SLC24A2: variants seen among roughly 807,000 people sequenced by gnomAD.
The protein encoded by SLC24A2 is solute carrier family 24 member 2.
A neutral mutation model predicts 62.0 loss-of-function variants in SLC24A2; 36 were observed. The ratio of observed to expected loss-of-function variants is 0.58; its 90% CI spans 0.44 to 0.77. The LOEUF (loss-of-function observed/expected upper bound fraction) is 0.77. SLC24A2 is among the 30% of genes least tolerant of loss of function. The pLI, the probability that SLC24A2 is intolerant of heterozygous loss-of-function variation, is 0.00. For synonymous variants in SLC24A2, 358 were observed against 294.0 expected (o/e 1.22, Z -2.23); for missense variants, 846 against 817.9 (o/e 1.03, Z -0.42).
At chr9:19,672,711 C>T (rs1469824280) in intron 2 of SLC24A2, among the ~76,000 whole-genome samples, 1 of 145,776 alleles carries the variant, frequency 6.9e-6, no homozygotes, top group African/African-American at 2.7e-5. Flanking sequence ...TTGCTGTATC[C>T]CAGAGGTTTT....
the SLC24A2 span, among the ~76,000 whole-genome samples, chr9:19,890,651 C>A: frequency 6.6e-6 from 1 of 152,004 alleles, no homozygotes; most frequent in Non-Finnish European, 1.5e-5. Context: ...CTTGTGTGAT[C>A]TCATTCCATC....
the SLC24A2 span, among the ~76,000 whole-genome samples, chr9:19,838,439 A>G: frequency 4.8e-5 from 7 of 146,408 alleles, no homozygotes; most frequent in African/African-American, 1.7e-4. Flanking sequence ...TAAAGACTTA[A>G]ATGTTAGACC....
the SLC24A2 span, among the ~76,000 whole-genome samples, chr9:19,843,256 C>A: frequency 0.022 from 3,284 of 152,322 alleles, 57 homozygotes; most frequent in Non-Finnish European, 0.032. Context: ...AATCCCAACA[C>A]TTTGGGAGGC....
At chr9:19,607,751 T>C (rs1018314408) in intron 4 of SLC24A2, among the ~76,000 whole-genome samples, 1 of 151,908 alleles carries the variant, frequency 6.6e-6, no homozygotes, top group African/African-American at 2.4e-5. Context: ...ATCAACTTTT[T>C]GGCCACATAC....
upstream of SLC24A2, among the ~76,000 whole-genome samples, chr9:19,791,353 T>C (rs1357925830): frequency 6.6e-6 from 1 of 152,216 alleles, no homozygotes; most frequent in Non-Finnish European, 1.5e-5. Flanking sequence ...ATTTCACTGA[T>C]CACGACTTGG....
intron 2 of SLC24A2, among the ~76,000 whole-genome samples, chr9:19,686,625 G>A (rs1187340906): frequency 6.6e-6 from 1 of 152,010 alleles, no homozygotes; most frequent in Non-Finnish European, 1.5e-5. Flanking sequence ...GGTTTTATAA[G>A]GGGCTTTCTT....
the SLC24A2 span, among the ~76,000 whole-genome samples, chr9:19,963,798 G>A: frequency 6.6e-6 from 1 of 152,122 alleles, no homozygotes; most frequent in Admixed American, 6.6e-5. Context: ...AACCATTGTG[G>A]AAGTCAGTGT....
chr9:19,613,327 C>T (rs1008347731), intron 4 of SLC24A2, among the ~76,000 whole-genome samples: 1 of 152,176 alleles, frequency 6.6e-6, no homozygotes, highest in African/African-American at 2.4e-5. Context: ...CACAACCTGC[C>T]AGTTCCTGTC....
chr9:20,260,845 C>CTTTTTTTTT, the SLC24A2 span, among the ~76,000 whole-genome samples: 700 of 110,360 alleles, frequency 6.3e-3, 29 homozygotes, highest in Non-Finnish European at 9.0e-3. Context: ...ACGTATCATT[C>CTTTTTTTTT]TTTCTTTTTT....
chr9:20,104,430 T>C, the SLC24A2 span, among the ~76,000 whole-genome samples: 1 of 151,894 alleles, frequency 6.6e-6, no homozygotes, highest in Non-Finnish European at 1.5e-5. Flanking sequence ...AAGGAAAAAA[T>C]GTTAAGGGCA....
chr9:19,547,274 T>C (rs192585234), intron 8 of SLC24A2, among the ~76,000 whole-genome samples: 62 of 152,232 alleles, frequency 4.1e-4, no homozygotes, highest in African/African-American at 1.3e-3. Flanking sequence ...GGGCTAGCAC[T>C]TGGGGGAGCA....
At position 19,636,314 on chromosome 9, in the gene SLC24A2, CTTTTCTTT is replaced by C. The variant is rs1564009630; in HGVS notation, c.931-14023_931-14016del. Reference sequence around the variant, plus strand: ...CTTTTCTTTTCTTTTCTTTTCTTTTCTTTTCTTTCTTTCTTTCTTTCTTTCTTTCTTTC... The same window carrying C: ...CTTTTCTTTTCTTTTCTTTTCTTTTCCTTTCTTTCTTTCTTTCTTTCTTTC... On this transcript the variant is annotated intron_variant, in intron 2 of 10. Transcript: ENST00000341998. Among the ~76,000 whole-genome samples the C allele has an allele frequency of 7.2e-3, 152 of 21,104 alleles. 10 individuals are homozygous for C. The highest frequency in any genetic ancestry group is 0.026 in the South Asian group (12 of 466). The allele number at this position is 21,104 out of a possible 152,430, so 13.8% of individuals were successfully genotyped here.
At chr9:19,879,224 C>T in the SLC24A2 span, among the ~76,000 whole-genome samples, 10 of 152,220 alleles carry the variant, frequency 6.6e-5, no homozygotes, top group South Asian at 1.9e-3. Flanking sequence ...TGCTGAAACA[C>T]AGGGCTGTGA....
chr9:19,612,891 A>G lies in SLC24A2; in HGVS notation c.1078+6693T>C, dbSNP rs150317056. Among the ~76,000 whole-genome samples, 35 of 152,322 alleles carry G rather than the reference A, an allele frequency of 2.3e-4. No individual in the cohort carries two copies. In the East Asian group the frequency reaches 6.6e-3, roughly 29 times the overall value. On this transcript the variant is annotated intron_variant, in intron 4 of 10. Coordinates refer to ENST00000341998, the MANE Select transcript of SLC24A2 (RefSeq NM_020344.4). Reference sequence around the variant, plus strand: ...TGATAAAAAACAATTTTCATCTTGAATCATGTATGGGATCTTCTGTGTTTG... The same window carrying G: ...TGATAAAAAACAATTTTCATCTTGAGTCATGTATGGGATCTTCTGTGTTTG...
At chr9:20,155,914 T>C in the SLC24A2 span, among the ~76,000 whole-genome samples, 1 of 151,818 alleles carries the variant, frequency 6.6e-6, no homozygotes, top group East Asian at 1.9e-4. Context: ...GTTTGGCTTT[T>C]CAATAAAAAC....
chr9:19,836,397 C>A, the SLC24A2 span, among the ~76,000 whole-genome samples: 6 of 152,110 alleles, frequency 3.9e-5, no homozygotes, highest in African/African-American at 1.4e-4. Flanking sequence ...AAAGGGGATA[C>A]CACCACCGAT....
the SLC24A2 span, among the ~76,000 whole-genome samples, chr9:20,225,560 T>TTATATATATATTATATATATATTA: frequency 1.0e-5 from 1 of 100,270 alleles, no homozygotes; most frequent in African/African-American, 5.1e-5. Flanking sequence ...ACTATATATA[T>TTATATATATATTATATATATATTA]TATATATATA....
At chr9:19,997,329 A>G in the SLC24A2 span, among the ~76,000 whole-genome samples, 1 of 152,176 alleles carries the variant, frequency 6.6e-6, no homozygotes, top group Non-Finnish European at 1.5e-5. Flanking sequence ...TCCAGTACCC[A>G]TTTAAGCTTT....
the SLC24A2 span, among the ~76,000 whole-genome samples, chr9:20,100,205 T>G: frequency 1.3e-5 from 2 of 150,036 alleles, no homozygotes; most frequent in Admixed American, 6.6e-5. Flanking sequence ...TTTTTGTTTG[T>G]TTTTTTTGTT....
Sources: allele counts gnomAD v4.1 joint callset (sites outside exome capture counted in the v4.1 genomes callset), GRCh38; gene constraint gnomAD v4.1.1; transcripts MANE v1.5; gene names NCBI Gene and HGNC (gene_info 2026-07-23, HGNC 2026-07-21).